Variants in TAF2 observed in about 807,000 individuals in gnomAD.
TAF2 encodes the protein TATA-box binding protein associated factor 2.
In TAF2, 61 loss-of-function variants were observed where a neutral mutation model predicts 138.5. The ratio of observed to expected loss-of-function variants is 0.44; its 90% CI spans 0.36 to 0.54. The LOEUF (loss-of-function observed/expected upper bound fraction) is 0.54, where lower values mean the gene tolerates loss of function less well. Among genes scored for constraint, TAF2 ranks in the 20% least tolerant of loss-of-function variants. The pLI is 0.00. For synonymous variants in TAF2, 475 were observed against 469.9 expected, an observed-to-expected ratio of 1.01 and a Z score of -0.14; for missense variants, 1,090 against 1,427.9, an observed-to-expected ratio of 0.76 and a Z score of 3.81.
intron 20 of TAF2, among the ~76,000 whole-genome samples, chr8:119,759,020 T>G (rs1260860527): frequency 1.3e-5 from 2 of 152,104 alleles, no homozygotes; most frequent in Non-Finnish European, 2.9e-5. Context: ...TTATAAAATC[T>G]TACTCATATT....
chr8:119,830,584 G>A (rs929502553), intron 2 of TAF2, among the ~76,000 whole-genome samples: 2 of 152,070 alleles, frequency 1.3e-5, no homozygotes, highest in African/African-American at 2.4e-5. Flanking sequence ...TTCCATAAAC[G>A]AGGAGACTAA....
At chr8:119,732,532 G>GGT (rs1452721583) in intron 25 of TAF2, among the ~76,000 whole-genome samples, 19 of 152,230 alleles carry the variant, frequency 1.2e-4, no homozygotes, top group African/African-American at 4.6e-4. Context: ...GTCCGGGGGC[G>GGT]GTGGCTCACT....
intron 18 of TAF2, among the ~76,000 whole-genome samples, chr8:119,771,551 T>C (rs1821839670): frequency 6.6e-6 from 1 of 152,126 alleles, no homozygotes; most frequent in Admixed American, 6.5e-5. Flanking sequence ...TAGCCATTCT[T>C]ACATCAGATA....
intron 3 of TAF2, among the ~76,000 whole-genome samples, chr8:119,809,925 A>G (rs1824920658): frequency 6.7e-6 from 1 of 150,058 alleles, no homozygotes; most frequent in Admixed American, 6.7e-5. Context: ...GAGACATGAA[A>G]TGTGCATGTG....
At chr8:119,804,106 A>C in intron 4 of TAF2, 87 bp from the exon 5 acceptor site, 1 of 1,500,270 alleles carries the variant, frequency 6.7e-7, no homozygotes, top group Non-Finnish European at 9.2e-7. Context: ...TGAACATGAA[A>C]TGGAATTGAG....
At chr8:119,825,120 CAA>C (rs1477313968) in intron 2 of TAF2, among the ~76,000 whole-genome samples, 5 of 152,268 alleles carry the variant, frequency 3.3e-5, no homozygotes, top group Non-Finnish European at 7.3e-5. Context: ...CTGCAACCTG[CAA>C]AGTCTCAGAG....
intron 18 of TAF2, among the ~76,000 whole-genome samples, chr8:119,775,115 C>T (rs2131108580): frequency 6.6e-6 from 1 of 151,638 alleles, no homozygotes; most frequent in Admixed American, 6.6e-5. Flanking sequence ...CCTGTCTCTA[C>T]TAAAAAAATA....
rs771029247 is a variant in TAF2 at position 119,791,291 on chromosome 8, T to C, written c.1413+33A>G. On this transcript the variant is annotated intron_variant, in intron 11 of 25. Transcript: ENST00000378164. ...GATTATACACATACAGATCTTTATT[T>C]ACCATTGTTAAGTTCTTAACTTTAA... The C allele has an allele frequency of 2.0e-5, 32 of 1,607,656 alleles. No individual in the cohort carries two copies. The African/African-American group carries it at 4.1e-4, about 21-fold the overall frequency.
At chr8:119,831,193 G>A (rs769516813) in intron 2 of TAF2, among the ~76,000 whole-genome samples, 1 of 152,148 alleles carries the variant, frequency 6.6e-6, no homozygotes, top group Non-Finnish European at 1.5e-5. Context: ...TCTAAATTGT[G>A]TCGGGAGGCA....
At chr8:119,778,606 A>C (rs995311705) in intron 17 of TAF2, among the ~76,000 whole-genome samples, 1 of 152,122 alleles carries the variant, frequency 6.6e-6, no homozygotes, top group African/African-American at 2.4e-5. Flanking sequence ...ATTTCCTCAC[A>C]ATCATTTTCA....
chr8:119,809,933 G>A (rs1403045722), intron 3 of TAF2, among the ~76,000 whole-genome samples: 2 of 145,430 alleles, frequency 1.4e-5, no homozygotes, highest in Admixed American at 7.2e-5. Context: ...AAATGTGCAT[G>A]TGTTGTTGGA....
rs754775582 is a variant in TAF2 at position 119,732,073 on chromosome 8, G to A, written c.3451C>T (p.His1151Tyr). 7 of 1,614,008 alleles carry A rather than the reference G, an allele frequency of 4.3e-6. No homozygotes were observed. Among genetic ancestry groups the A allele is most frequent in the Non-Finnish European group, 5.9e-6 (7 of 1,180,004 alleles). Residue 1151 changes from histidine to tyrosine, a missense_variant, in exon 26 of 26, where the codon CAC becomes TAC. This residue lies in a region of TAF2 where 580 missense variants were observed against 719.6 expected (regional missense o/e 0.81). Transcript: ENST00000378164. ...TTCTTCTTTTTCTTGTGCTCATGGTGATGGTGGTGATGGTGGTCACTGTGT... is the reference window on the plus strand; with the variant it reads ...TTCTTCTTTTTCTTGTGCTCATGGTAATGGTGGTGATGGTGGTCACTGTGT... Reference protein sequence around the residue: ...SKHSDHHHHHHHEHKKKKKKH... With the variant: ...SKHSDHHHHHYHEHKKKKKKH...
chr8:119,817,087 T>A (rs1825525899), intron 3 of TAF2, among the ~76,000 whole-genome samples: 1 of 120,562 alleles, frequency 8.3e-6, no homozygotes, highest in South Asian at 3.5e-4. Context: ...AAGCATTTAC[T>A]AAGTGGCCAT....
chr8:119,773,985 C>A (rs531263555), intron 18 of TAF2, among the ~76,000 whole-genome samples: 4 of 151,602 alleles, frequency 2.6e-5, no homozygotes, highest in African/African-American at 9.7e-5. Flanking sequence ...TCCTGGCTAA[C>A]ATGGTGAAAC....
rs1441221042 is a variant in TAF2, at chr8:119,744,385, A to G, written c.3117T>C (p.Ser1039=). 1.9e-6 allele frequency: 3 copies of G among 1,613,122 alleles called. No homozygotes were observed. The highest frequency in any genetic ancestry group is 1.7e-5 in the Admixed American group (1 of 59,988). Reference sequence around the variant, plus strand: ...TATCAATCTCCTCCTCATCTTGAGAACTGGAAAACTAAAACACACACACAT... The same window carrying G: ...TATCAATCTCCTCCTCATCTTGAGAGCTGGAAAACTAAAACACACACACAT... ...QLVGFQNPFS[S]SQDEEEIDMD... is the part of the protein sequence containing the mutation. Residue 1039 remains serine (S), a synonymous_variant, in exon 24 of 26, where the codon AGT becomes AGC. Transcript: ENST00000378164.
At chr8:119,732,513 C>A (rs931495452) in intron 25 of TAF2, among the ~76,000 whole-genome samples, 1 of 151,838 alleles carries the variant, frequency 6.6e-6, no homozygotes. Context: ...AGGTTAAGAC[C>A]CACACTGGGT....
chr8:119,752,217 A>G (rs1319196648), intron 22 of TAF2, among the ~76,000 whole-genome samples: 1 of 152,190 alleles, frequency 6.6e-6, no homozygotes, highest in Non-Finnish European at 1.5e-5. Flanking sequence ...AAAATGCTGA[A>G]GATAAAAATA....
intron 22 of TAF2, among the ~76,000 whole-genome samples, chr8:119,747,613 T>C (rs1424060089): frequency 6.6e-6 from 1 of 152,124 alleles, no homozygotes; most frequent in Non-Finnish European, 1.5e-5. Context: ...CCCACAGCAA[T>C]GACAGATCAG....
At chr8:119,732,815 A>G (rs1818972259) in intron 25 of TAF2, among the ~76,000 whole-genome samples, 1 of 152,126 alleles carries the variant, frequency 6.6e-6, no homozygotes, top group Admixed American at 6.5e-5. Context: ...ATAAACAAAC[A>G]AACAAAAAAC....
Sources: gnomAD v4.1 joint callset for allele counts (sites outside exome capture counted in the v4.1 genomes callset) on GRCh38, gnomAD v4.1.1 for gene constraint, gnomAD v4.1.1 regional missense constraint, MANE v1.5 for transcripts, NCBI Gene and HGNC (gene_info 2026-07-23, HGNC 2026-07-21) for gene names.